The following PCNX2 variants were observed in gnomAD, a reference collection of about 807,000 sequenced individuals.
PCNX2 encodes pecanex 2, also known as pecanex-like protein 2.
A neutral mutation model predicts 223.8 loss-of-function variants in PCNX2; 168 were observed. That is an observed-to-expected ratio of 0.75 (90% CI 0.66 to 0.85). PCNX2 has a LOEUF of 0.85. Among genes scored for constraint, PCNX2 ranks in the 40% least tolerant of loss-of-function variants. The pLI, the probability that PCNX2 is intolerant of heterozygous loss-of-function variation, is 0.00. For synonymous variants in PCNX2, 1,006 were observed against 1,052.6 expected (o/e 0.96, Z 0.86); for missense variants, 2,507 against 2,675.5 (o/e 0.94, Z 1.39).
At chr1:233,146,420 T>C (rs548411884) in intron 19 of PCNX2, among the ~76,000 whole-genome samples, 1 of 152,304 alleles carries the variant, frequency 6.6e-6, no homozygotes, top group Admixed American at 6.5e-5. Context: ...ATAAAAAAAG[T>C]AACTAGCGTA....
intron 8 of PCNX2, among the ~76,000 whole-genome samples, chr1:233,240,859 C>T (rs565477251): frequency 1.3e-5 from 2 of 152,276 alleles, no homozygotes; most frequent in East Asian, 3.9e-4. Context: ...CTACAAGCAA[C>T]AGACAGTCAA....
rs1254564579 is a variant in PCNX2, at chr1:232,990,084, G to A, written c.5792-3544C>T. The stretch of plus-strand genomic sequence containing the variant: ...TGTGTGTCTCAACTCGGACGGGCAT[G>A]GTTGTTTTACTTAACTAGAAGGAGG... On this transcript the variant is annotated intron_variant, in intron 32 of 33. Transcript: ENST00000258229. This position sits in a 1 kb window ranked among gnomAD's most constrained non-coding sequence, Gnocchi z 4.3. 1.3e-5 allele frequency among the ~76,000 whole-genome samples: 2 copies of A among 152,228 alleles called. No homozygotes were observed. The highest frequency in any genetic ancestry group is 2.9e-5 in the Non-Finnish European group (2 of 68,044).
intron 13 of PCNX2, among the ~76,000 whole-genome samples, chr1:233,203,689 G>A (rs1211316359): frequency 6.6e-6 from 1 of 152,062 alleles, no homozygotes; most frequent in African/African-American, 2.4e-5. Context: ...TCATACCACT[G>A]GCTCAGGCAT....
At chr1:233,117,680 TA>T (rs1436577346) in intron 21 of PCNX2, among the ~76,000 whole-genome samples, 1 of 150,888 alleles carries the variant, frequency 6.6e-6, no homozygotes, top group Non-Finnish European at 1.5e-5. Context: ...CCAAAATTCT[TA>T]ACAAGATATT....
At chr1:233,288,083 T>C (rs937193380) in intron 1 of PCNX2, among the ~76,000 whole-genome samples, 20 of 152,224 alleles carry the variant, frequency 1.3e-4, no homozygotes, top group African/African-American at 4.8e-4. Context: ...ATTTTCTTCT[T>C]GCAGAGGACA....
intron 1 of PCNX2, among the ~76,000 whole-genome samples, chr1:233,283,015 G>A (rs548983029): frequency 1.9e-4 from 19 of 99,130 alleles, no homozygotes; most frequent in Non-Finnish European, 3.6e-4. Flanking sequence ...CTGGTGATGC[G>A]TATTCTAAAA....
intron 21 of PCNX2, among the ~76,000 whole-genome samples, chr1:233,098,825 A>T (rs1358140109): frequency 6.6e-6 from 1 of 152,186 alleles, no homozygotes; most frequent in Non-Finnish European, 1.5e-5. Flanking sequence ...ATATTTCTGG[A>T]TCTATAAAAT....
intron 23 of PCNX2, among the ~76,000 whole-genome samples, chr1:233,062,835 A>C (rs1343876620): frequency 6.6e-6 from 1 of 152,244 alleles, no homozygotes; most frequent in Non-Finnish European, 1.5e-5. Flanking sequence ...AATCAGAAAT[A>C]ATAAGGCAAT....
intron 21 of PCNX2, among the ~76,000 whole-genome samples, chr1:233,098,365 T>G (rs1558228954): frequency 1.3e-5 from 2 of 152,212 alleles, no homozygotes; most frequent in Non-Finnish European, 2.9e-5. Flanking sequence ...CCATTACAAT[T>G]ATTTTCTGCT....
intron 1 of PCNX2, among the ~76,000 whole-genome samples, chr1:233,282,984 T>C (rs910391606): frequency 6.6e-6 from 1 of 151,824 alleles, no homozygotes; most frequent in Non-Finnish European, 1.5e-5. Flanking sequence ...CTTTTGAGCA[T>C]GTTACTCTGG....
At chr1:233,181,420 A>G (rs1230652871) in intron 15 of PCNX2, among the ~76,000 whole-genome samples, 1 of 151,544 alleles carries the variant, frequency 6.6e-6, no homozygotes, top group Non-Finnish European at 1.5e-5. Context: ...CTGGTTTCGA[A>G]CTCCTGACCT....
At chr1:233,290,975 A>G in intron 1 of PCNX2, 1 of 985,388 alleles carries the variant, frequency 1.0e-6, no homozygotes, top group Non-Finnish European at 1.2e-6. Flanking sequence ...CATTCTTCCC[A>G]CCACTCAACT....
intron 15 of PCNX2, 96 bp downstream of exon 15, chr1:233,198,843 T>A (rs1680886539): frequency 8.2e-7 from 1 of 1,221,466 alleles, no homozygotes; most frequent in South Asian, 1.3e-5. Context: ...CAGATCCGAT[T>A]TCTCTTGTAA....
intron 1 of PCNX2, chr1:233,289,469 G>A: frequency 1.9e-6 from 2 of 1,052,586 alleles, no homozygotes; most frequent in Non-Finnish European, 2.9e-6. Context: ...GGGAGAACTT[G>A]CCGAGCGCCG....
chr1:233,045,755 T>C (rs1200685355), intron 25 of PCNX2, among the ~76,000 whole-genome samples: 1 of 151,968 alleles, frequency 6.6e-6, no homozygotes, highest in African/African-American at 2.4e-5. Context: ...GGAAGGGAGG[T>C]GTTCATCCAG....
intron 25 of PCNX2, among the ~76,000 whole-genome samples, chr1:233,052,510 C>T (rs1248386337): frequency 6.6e-6 from 1 of 152,200 alleles, no homozygotes; most frequent in African/African-American, 2.4e-5. Flanking sequence ...TCCTCTTTCT[C>T]CTCCATTGAG....
rs142497066 is a variant in PCNX2 at position 233,016,639 on chromosome 1, A to C, written c.4839+282T>G. ...TCCCAAAATGTAATTTTAAACAAAG[A>C]AGCTTCAAATGTTTAAGTTATAATA... On this transcript the variant is annotated intron_variant, in intron 27 of 33. Transcript: ENST00000258229. 11 of 389,900 alleles carry C rather than the reference A, an allele frequency of 2.8e-5. No individual in the cohort carries two copies. In the East Asian group the frequency reaches 1.8e-3, roughly 63 times the overall value. 24.2% of individuals were successfully genotyped at this position (389,900 alleles called of 1,614,324 possible). A position where few individuals can be genotyped will look rare whatever the true frequency, so the allele number is the denominator to read the frequency against.
At chr1:233,060,756 C>T (rs1399392498) in intron 23 of PCNX2, among the ~76,000 whole-genome samples, 1 of 152,190 alleles carries the variant, frequency 6.6e-6, no homozygotes, top group Non-Finnish European at 1.5e-5. Flanking sequence ...ATTAGGCATG[C>T]GTCTGCATGC....
intron 21 of PCNX2, among the ~76,000 whole-genome samples, chr1:233,122,274 A>C (rs1405474215): frequency 1.3e-5 from 2 of 152,180 alleles, no homozygotes; most frequent in African/African-American, 2.4e-5. Context: ...TACTGATATG[A>C]ATGAATGAAT....
Sources: allele counts gnomAD v4.1 joint callset (sites outside exome capture counted in the v4.1 genomes callset), GRCh38; gene constraint gnomAD v4.1.1; non-coding constraint Gnocchi (gnomAD v3.1); transcripts MANE v1.5; gene names NCBI Gene and HGNC (gene_info 2026-07-23, HGNC 2026-07-21).